Variants in DUSP15 observed in about 807,000 individuals in gnomAD.
The protein encoded by DUSP15 is dual specificity phosphatase 15, also known as dual specificity protein phosphatase 15.
Under a neutral mutation model 26.3 loss-of-function variants are expected in DUSP15, and 23 were observed. The observed-to-expected ratio is 0.87, with a 90% CI of 0.63 to 1.24. The LOEUF is 1.24. Among genes scored for constraint, DUSP15 ranks in the 50% most tolerant of loss-of-function variants. The pLI, the probability that DUSP15 is intolerant of heterozygous loss-of-function variation, is 0.00. For missense variants in DUSP15, 364 were observed against 320.6 expected (o/e 1.14, Z -1.03); for synonymous variants, 143 against 135.5 (o/e 1.06, Z -0.39).
Position 31,867,101 on chromosome 20 carries a change from A to G in DUSP15, c.108T>C (p.Ser36=), listed in dbSNP as rs1296364783. The G allele has an allele frequency of 8.2e-6, 13 of 1,590,582 alleles. No individual in the cohort carries two copies. The highest frequency in any genetic ancestry group is 1.0e-5 in the Non-Finnish European group (12 of 1,167,966). ...LGRNKITHII[S]IHESPQPLLQ... ...GCAGAGGCTGGGGTGACTCATGGAT[A>G]GAGATGATGTGTGTGATCTTATTTC... The change falls in exon 3 of 7, where the codon TCT becomes TCC. Residue 36 remains serine (S), a synonymous_variant. Transcript: ENST00000339738.
chr20:31,846,099 TACACGTACAG>T (rs1420559401), downstream of DUSP15, among the ~76,000 whole-genome samples: 1 of 128,086 alleles, frequency 7.8e-6, no homozygotes, highest in Non-Finnish European at 1.6e-5. Flanking sequence ...CACACAGACA[TACACGTACAG>T]ACACACAGAG....
intron 3 of DUSP15, 42 bp downstream of exon 3, chr20:31,867,029 C>T: frequency 1.3e-6 from 2 of 1,533,140 alleles, no homozygotes; most frequent in Non-Finnish European, 1.8e-6. Flanking sequence ...AGGTCTGCAC[C>T]CTCCCACCCC....
chr20:31,868,686 G>T (rs1205739025), intron 2 of DUSP15, among the ~76,000 whole-genome samples: 1 of 151,984 alleles, frequency 6.6e-6, no homozygotes, highest in African/African-American at 2.4e-5. Context: ...CACTATGTTG[G>T]CCAGGCTGGT....
intron 1 of DUSP15, 143 bp from the exon 2 acceptor site, chr20:31,869,740 G>T: frequency 6.7e-7 from 1 of 1,502,654 alleles, no homozygotes; most frequent in Non-Finnish European, 8.9e-7. Flanking sequence ...TCCCTTTTGT[G>T]GGCCCTGAGT....
chr20:31,864,547 C>T, intron 4 of DUSP15: 2 of 788,774 alleles, frequency 2.5e-6, no homozygotes, highest in Non-Finnish European at 3.1e-6. Context: ...TCTGATCATG[C>T]ACTCCTGATT....
In DUSP15 at chr20:31,867,169, T is replaced by C; in HGVS notation, c.56-16A>G. 1.9e-6 allele frequency: 3 copies of C among 1,571,456 alleles called. No individual in the cohort carries two copies. Among genetic ancestry groups the C allele is most frequent in the Middle Eastern group, 1.7e-4 (1 of 6,000 alleles). Reference sequence around the variant, plus strand: ...TCTTTGGCATCTGAAAGAAACAGGATGCTTGAGCCAATCTGGCTGGCGGGA... The same window carrying C: ...TCTTTGGCATCTGAAAGAAACAGGACGCTTGAGCCAATCTGGCTGGCGGGA... On this transcript the variant is annotated splice_polypyrimidine_tract_variant and intron_variant, in intron 2 of 6. Transcript: ENST00000339738.
rs2062734093 is a variant in DUSP15, at chr20:31,864,936, C to A, written c.188+17G>T. ...GCAGCTGTCTGTCCATCTATGGGTC[C>A]ATCCAGGGGAACTTACATGGGTACC... On this transcript the variant is annotated intron_variant, in intron 4 of 6. Coordinates refer to ENST00000339738, the MANE Select transcript of DUSP15 (RefSeq NM_080611.5). 6.2e-7 allele frequency: 1 copy of A among 1,613,434 alleles called. No homozygotes were observed. The highest frequency in any genetic ancestry group is 1.3e-5 in the African/African-American group (1 of 74,906).
chr20:31,870,050 G>A lies in DUSP15; in HGVS notation c.21+267C>T. ...TGCAGACGGAGAGCAGGACTCACTG[G>A]GAGACAGCCTGGGAGTGACAGCCAC... On this transcript the variant is annotated intron_variant, in intron 1 of 6. Transcript: ENST00000339738. The surrounding 1 kb of genome is among the most constrained non-coding windows in gnomAD (Gnocchi z 6.6). The A allele has an allele frequency of 7.8e-7, 1 of 1,279,240 alleles. No individual in the cohort carries two copies. Among genetic ancestry groups the A allele is most frequent in the South Asian group, 3.0e-5 (1 of 33,886 alleles). 79.2% of individuals were successfully genotyped at this position (1,279,240 alleles called of 1,614,324 possible).
chr20:31,866,931 TA>T, intron 3 of DUSP15, 139 bp downstream of exon 3: 2 of 806,130 alleles, frequency 2.5e-6, no homozygotes, highest in Non-Finnish European at 3.8e-6. Flanking sequence ...GATGATAATG[TA>T]AAATGGCCCA....
At chr20:31,866,613 T>C (rs113189725) in intron 3 of DUSP15, among the ~76,000 whole-genome samples, 5 of 152,328 alleles carry the variant, frequency 3.3e-5, no homozygotes, top group African/African-American at 1.2e-4. Context: ...CAAAGCATCT[T>C]CACCATCCTG....
upstream of DUSP15, chr20:31,870,609 G>C: frequency 7.2e-7 from 1 of 1,381,848 alleles, no homozygotes; most frequent in East Asian, 2.8e-5. The surrounding 1 kb of genome is among the most constrained non-coding windows in gnomAD (Gnocchi z 6.6). Flanking sequence ...GCCTCGGGTC[G>C]CGGCGGGGGG....
In DUSP15 at chr20:31,861,209, CG is replaced by C. The variant is rs2062640829; in HGVS notation, c.*193del. On this transcript the variant is annotated 3_prime_UTR_variant, in exon 7 of 7. Transcript: ENST00000339738. ...AAGGCACCAGGTGGCTGCAGCAGGC[CG>C]GCCCGGACACAGAGACGCACAGGTT... 1 of 1,351,072 alleles carries C rather than the reference CG, an allele frequency of 7.4e-7. No individual in the cohort carries two copies. The highest frequency in any genetic ancestry group is 9.5e-7 in the Non-Finnish European group (1 of 1,058,092). 83.7% of individuals were successfully genotyped at this position (1,351,072 alleles called of 1,614,324 possible).
chr20:31,863,857 G>T (rs768257984), intron 5 of DUSP15, 50 bp downstream of exon 5: 2 of 1,559,328 alleles, frequency 1.3e-6, no homozygotes, highest in South Asian at 2.2e-5. Context: ...TCAGCAGAGG[G>T]CACAGCCACT....
Position 31,861,654 on chromosome 20 carries a change from GCT to G in DUSP15, c.455_456del (p.Glu152AlafsTer158), listed in dbSNP as rs1221594010. The G allele has an allele frequency of 2.2e-6, 3 of 1,389,082 alleles. No homozygotes were observed. The highest frequency in any genetic ancestry group is 2.6e-5 in the South Asian group (2 of 77,460). The allele number at this position is 1,389,082 out of a possible 1,614,324, so 86.0% of individuals were successfully genotyped here. On this transcript the variant is annotated frameshift_variant, in exon 7 of 7. Coordinates refer to ENST00000339738, the MANE Select transcript of DUSP15 (RefSeq NM_080611.5). LOFTEE classifies it high-confidence loss of function. ...TCGCGGAAGGGGCTCTCGCCGAAGC[GCT>G]CCTCCAGCTGCCGGCGAAGCTGGGG... ...SSQKLRRQLE[E>X]RFGESPFRDE...
At chr20:31,863,223 G>T (rs903047484) in intron 5 of DUSP15, among the ~76,000 whole-genome samples, 4 of 152,302 alleles carry the variant, frequency 2.6e-5, no homozygotes, top group African/African-American at 9.6e-5. Flanking sequence ...CCAAGGAATA[G>T]ATATCAATGA....
At chr20:31,858,566 TG>T (rs1216379310), downstream of DUSP15, among the ~76,000 whole-genome samples, 2 of 152,200 alleles carry the variant, frequency 1.3e-5, no homozygotes, top group Admixed American at 1.3e-4. The surrounding 1 kb of genome is among the most constrained non-coding windows in gnomAD (Gnocchi z 4.4). Flanking sequence ...TCCTCTTTTA[TG>T]GGGTGGCAGG....
chr20:31,862,521 A>G (rs1424671872), intron 6 of DUSP15, 50 bp downstream of exon 6: 1 of 1,527,558 alleles, frequency 6.5e-7, no homozygotes, highest in African/African-American at 1.4e-5. Flanking sequence ...TCGAGTGGGA[A>G]GAAGGATCTC....
At chr20:31,869,007 G>C (rs544007709) in intron 2 of DUSP15, among the ~76,000 whole-genome samples, 1 of 152,314 alleles carries the variant, frequency 6.6e-6, no homozygotes, top group East Asian at 1.9e-4. Flanking sequence ...CTGCTCCAGG[G>C]CTCTGGGGTG....
Position 31,869,980 on chromosome 20 carries a change from G to A in DUSP15, c.21+337C>T, listed in dbSNP as rs962369651. ...AGAGGCGGGACAGGATGGAGAAACAGCCCCGGAGAGAGCCGAGGAGTCAGC... is the reference window on the plus strand; with the variant it reads ...AGAGGCGGGACAGGATGGAGAAACAACCCCGGAGAGAGCCGAGGAGTCAGC... On this transcript the variant is annotated intron_variant, in intron 1 of 6. Coordinates refer to ENST00000339738, the MANE Select transcript of DUSP15 (RefSeq NM_080611.5). 6.3e-5 allele frequency: 85 copies of A among 1,342,710 alleles called. No homozygotes were observed. In the African/African-American group the frequency reaches 1.1e-3, roughly 18 times the overall value. 83.2% of individuals were successfully genotyped at this position (1,342,710 alleles called of 1,614,324 possible).
Sources: gnomAD v4.1 joint callset for allele counts (sites outside exome capture counted in the v4.1 genomes callset) on GRCh38, gnomAD v4.1.1 for gene constraint, Gnocchi (gnomAD v3.1) non-coding constraint, MANE v1.5 for transcripts, NCBI Gene and HGNC (gene_info 2026-07-23, HGNC 2026-07-21) for gene names.